Variants in HSD17B12 observed in about 807,000 individuals in gnomAD.
HSD17B12 encodes hydroxysteroid 17-beta dehydrogenase 12, also known as very-long-chain 3-oxoacyl-CoA reductase.
In HSD17B12, 32 loss-of-function variants were observed where a neutral mutation model predicts 39.3. The ratio of observed to expected loss-of-function variants is 0.81; its 90% CI spans 0.61 to 1.09. The LOEUF (loss-of-function observed/expected upper bound fraction) is 1.09, where lower values mean the gene tolerates loss of function less well. HSD17B12 is among the 50% of genes least tolerant of loss of function. HSD17B12 has a pLI of 0.00. For missense variants in HSD17B12, 342 were observed against 382.9 expected, an observed-to-expected ratio of 0.89 and a Z score of 0.89; for synonymous variants, 150 against 146.7, an observed-to-expected ratio of 1.02 and a Z score of -0.16.
chr11:43,642,014 C>T, the HSD17B12 span, among the ~76,000 whole-genome samples: 3 of 151,704 alleles, frequency 2.0e-5, no homozygotes, highest in Admixed American at 2.0e-4. Flanking sequence ...CAATGTTTGT[C>T]TTCTATTAAC....
chr11:43,683,202 T>G (rs1193926219), intron 1 of HSD17B12, among the ~76,000 whole-genome samples: 1 of 151,462 alleles, frequency 6.6e-6, no homozygotes, highest in Non-Finnish European at 1.5e-5. Flanking sequence ...AAAAGGCAAG[T>G]GATGTAACAC....
intron 1 of HSD17B12, among the ~76,000 whole-genome samples, chr11:43,730,048 T>G (rs55810401): frequency 0.1 from 15,547 of 150,962 alleles, 1,058 homozygotes; most frequent in Middle Eastern, 0.16. Flanking sequence ...GTGTGTGTGT[T>G]TTTTTTTTAA....
chr11:43,662,403 G>GT, the HSD17B12 span, among the ~76,000 whole-genome samples: 1 of 150,136 alleles, frequency 6.7e-6, no homozygotes, highest in Non-Finnish European at 1.5e-5. Flanking sequence ...GTGTGTGTGT[G>GT]TGTGTGTGTG....
At chr11:43,821,881 T>A (rs1488194694) in intron 6 of HSD17B12, among the ~76,000 whole-genome samples, 1 of 152,202 alleles carries the variant, frequency 6.6e-6, no homozygotes, top group African/African-American at 2.4e-5. Flanking sequence ...TCTTTTTTAT[T>A]CGCAATTTTC....
intron 3 of HSD17B12, among the ~76,000 whole-genome samples, chr11:43,765,835 A>G (rs1027713062): frequency 6.6e-6 from 1 of 151,956 alleles, no homozygotes; most frequent in Non-Finnish European, 1.5e-5. Flanking sequence ...TATATCTTCT[A>G]CACCTTTTCT....
intron 1 of HSD17B12, among the ~76,000 whole-genome samples, chr11:43,713,828 A>G (rs922958398): frequency 8.6e-5 from 13 of 152,024 alleles, no homozygotes; most frequent in Admixed American, 6.6e-4. Flanking sequence ...TCTAACTGGT[A>G]TGAGATGGTA....
the HSD17B12 span, among the ~76,000 whole-genome samples, chr11:43,605,208 C>T: frequency 6.6e-6 from 1 of 152,072 alleles, no homozygotes; most frequent in South Asian, 2.1e-4. Context: ...CTTCCCTTCC[C>T]ATTTCTGTCT....
chr11:43,622,947 T>C, the HSD17B12 span, among the ~76,000 whole-genome samples: 7 of 152,196 alleles, frequency 4.6e-5, no homozygotes, highest in Non-Finnish European at 1.0e-4. Flanking sequence ...CTACAAGGTT[T>C]ATGATCAAAA....
chr11:43,828,505 A>G (rs980879210), intron 6 of HSD17B12, among the ~76,000 whole-genome samples: 1 of 151,886 alleles, frequency 6.6e-6, no homozygotes, highest in African/African-American at 2.4e-5. Flanking sequence ...AACAGTCCCA[A>G]TGGGGAAGAA....
chr11:43,809,618 A>C (rs1034288647), intron 4 of HSD17B12, among the ~76,000 whole-genome samples: 4 of 152,156 alleles, frequency 2.6e-5, no homozygotes, highest in African/African-American at 9.7e-5. Flanking sequence ...CAGGAGTTCA[A>C]GACCAGCCTG....
chr11:43,720,181 A>G (rs1030893135), intron 1 of HSD17B12, among the ~76,000 whole-genome samples: 1 of 152,176 alleles, frequency 6.6e-6, no homozygotes, highest in Non-Finnish European at 1.5e-5. Context: ...CCAGTTGTAG[A>G]GACTGTTTTG....
At chr11:43,634,842 G>A in the HSD17B12 span, among the ~76,000 whole-genome samples, 1 of 152,148 alleles carries the variant, frequency 6.6e-6, no homozygotes, top group Admixed American at 6.5e-5. Context: ...ATTTAAGAAC[G>A]CGTGTGTACT....
At chr11:43,808,208 C>T (rs1047297054) in intron 4 of HSD17B12, among the ~76,000 whole-genome samples, 2 of 152,162 alleles carry the variant, frequency 1.3e-5, no homozygotes, top group East Asian at 1.9e-4. Context: ...CATGCCCTTC[C>T]TTGCTAGAAG....
At chr11:43,562,331 TA>T in the HSD17B12 span, among the ~76,000 whole-genome samples, 1 of 152,266 alleles carries the variant, frequency 6.6e-6, no homozygotes, top group African/African-American at 2.4e-5. Context: ...GTGGATAGTT[TA>T]GGCTTTGCAG....
chr11:43,762,801 T>C (rs1163819642), intron 3 of HSD17B12, among the ~76,000 whole-genome samples: 2 of 152,232 alleles, frequency 1.3e-5, no homozygotes, highest in African/African-American at 2.4e-5. Context: ...ATCTTAGCAA[T>C]CAATTTGTTC....
chr11:43,659,384 C>A, the HSD17B12 span, among the ~76,000 whole-genome samples: 3 of 152,190 alleles, frequency 2.0e-5, no homozygotes, highest in African/African-American at 7.2e-5. Flanking sequence ...ACGCACAGTG[C>A]ATTGCACCTA....
At chr11:43,708,490 C>G (rs1217089861) in intron 1 of HSD17B12, among the ~76,000 whole-genome samples, 1 of 152,154 alleles carries the variant, frequency 6.6e-6, no homozygotes, top group Admixed American at 6.5e-5. Flanking sequence ...TTGCATCCCC[C>G]ATTGGATCAA....
rs1475560776 is a variant in HSD17B12, at chr11:43,690,389, TATATATA to T, written c.160+9403_160+9409del. On this transcript the variant is annotated intron_variant, in intron 1 of 10. Coordinates refer to ENST00000278353, the MANE Select transcript of HSD17B12 (RefSeq NM_016142.3). ...ATATATATATATATATATATATATA[TATATATA>T]TATATATATTTTTTTTTTTTTTTTT... Among the ~76,000 whole-genome samples the T allele has an allele frequency of 3.4e-3, 91 of 26,714 alleles. 15 individuals are homozygous for T. The highest frequency in any genetic ancestry group is 9.0e-3 in the East Asian group (8 of 892). 17.5% of individuals were successfully genotyped at this position (26,714 alleles called of 152,430 possible).
chr11:43,787,464 C>T (rs780837437), intron 3 of HSD17B12, among the ~76,000 whole-genome samples: 5 of 151,950 alleles, frequency 3.3e-5, no homozygotes, highest in Non-Finnish European at 7.4e-5. Flanking sequence ...TGGCCGGGCA[C>T]GGTGGCTGAC....
Sources: allele counts gnomAD v4.1 joint callset (sites outside exome capture counted in the v4.1 genomes callset), GRCh38; gene constraint gnomAD v4.1.1; transcripts MANE v1.5; gene names NCBI Gene and HGNC (gene_info 2026-07-23, HGNC 2026-07-21).